Variants in ADAMTS3 observed in about 807,000 individuals in gnomAD.
ADAMTS3 encodes A disintegrin and metalloproteinase with thrombospondin motifs 3.
Under a neutral mutation model 129.0 loss-of-function variants are expected in ADAMTS3, and 73 were observed. That is an observed-to-expected ratio of 0.57 (90% CI 0.47 to 0.69). ADAMTS3 has a LOEUF of 0.69. Ranked by LOEUF, ADAMTS3 falls within the 30% of genes least tolerant of loss-of-function variation. The probability of loss-of-function intolerance (pLI) is 0.00; values close to 1 mark genes in which losing one functional copy is unlikely to be tolerated. For synonymous variants in ADAMTS3, 477 were observed against 510.8 expected, an observed-to-expected ratio of 0.93 and a Z score of 0.89; for missense variants, 1,457 against 1,514.5, an observed-to-expected ratio of 0.96 and a Z score of 0.63.
At chr4:72,418,073 G>A (rs565604964) in intron 3 of ADAMTS3, among the ~76,000 whole-genome samples, 2 of 152,168 alleles carry the variant, frequency 1.3e-5, no homozygotes, top group Non-Finnish European at 2.9e-5. Context: ...GAAATTCAAT[G>A]AGTATGCTAT....
intron 4 of ADAMTS3, among the ~76,000 whole-genome samples, chr4:72,370,728 T>C (rs113691546): frequency 0.076 from 11,603 of 152,112 alleles, 1,510 homozygotes; most frequent in African/African-American, 0.27. Context: ...CCATCCTGGG[T>C]GACAGAGTGA....
intron 4 of ADAMTS3, among the ~76,000 whole-genome samples, chr4:72,370,202 G>A (rs543271503): frequency 2.4e-4 from 37 of 152,206 alleles, no homozygotes; most frequent in African/African-American, 6.7e-4. Flanking sequence ...AGCCTGCGCC[G>A]AAGATTTATG....
intron 3 of ADAMTS3, among the ~76,000 whole-genome samples, chr4:72,422,860 T>C (rs2109935706): frequency 6.6e-6 from 1 of 152,310 alleles, no homozygotes; most frequent in East Asian, 1.9e-4. Flanking sequence ...ATGAATGCCC[T>C]TTATAAACTA....
chr4:72,350,848 T>C (rs1002024262), intron 4 of ADAMTS3, among the ~76,000 whole-genome samples: 1 of 151,978 alleles, frequency 6.6e-6, no homozygotes, highest in African/African-American at 2.4e-5. Context: ...TCCTCACATA[T>C]ATATGCGATG....
At chr4:72,348,881 G>A (rs1720357046) in intron 4 of ADAMTS3, among the ~76,000 whole-genome samples, 1 of 151,756 alleles carries the variant, frequency 6.6e-6, no homozygotes, top group African/African-American at 2.4e-5. Flanking sequence ...CCAACAACCT[G>A]AATGAGCCTG....
intron 4 of ADAMTS3, among the ~76,000 whole-genome samples, chr4:72,392,737 T>A (rs577406864): frequency 4.0e-4 from 61 of 152,260 alleles, no homozygotes; most frequent in South Asian, 2.5e-3. Context: ...GGAATATAAA[T>A]TTTTTCACTG....
At chr4:72,425,208 T>A (rs1455562423) in intron 3 of ADAMTS3, among the ~76,000 whole-genome samples, 1 of 152,186 alleles carries the variant, frequency 6.6e-6, no homozygotes, top group Non-Finnish European at 1.5e-5. Flanking sequence ...ATTATTTGTA[T>A]TATTCTTAGG....
At chr4:72,436,953 T>C (rs192669163) in intron 3 of ADAMTS3, among the ~76,000 whole-genome samples, 2 of 152,134 alleles carry the variant, frequency 1.3e-5, no homozygotes, top group Non-Finnish European at 2.9e-5. Flanking sequence ...CTTGTATACA[T>C]ATGTAACAAA....
intron 4 of ADAMTS3, among the ~76,000 whole-genome samples, chr4:72,408,942 A>C (rs1048865505): frequency 2.0e-5 from 3 of 152,042 alleles, no homozygotes; most frequent in Non-Finnish European, 2.9e-5. Flanking sequence ...GGGAGGGATA[A>C]CATTGGGAGA....
chr4:72,444,446 C>T (rs1384347530), intron 3 of ADAMTS3, among the ~76,000 whole-genome samples: 1 of 151,718 alleles, frequency 6.6e-6, no homozygotes, highest in Non-Finnish European at 1.5e-5. Flanking sequence ...CCCAGGTTTA[C>T]AATTACTGCC....
intron 3 of ADAMTS3, among the ~76,000 whole-genome samples, chr4:72,459,836 G>A (rs1012957882): frequency 5.9e-5 from 9 of 151,418 alleles, no homozygotes; most frequent in African/African-American, 2.2e-4. Flanking sequence ...TCTTGGGAAT[G>A]GGACCCAAAT....
intron 3 of ADAMTS3, among the ~76,000 whole-genome samples, chr4:72,446,318 T>G (rs1718251738): frequency 6.6e-6 from 1 of 151,704 alleles, no homozygotes; most frequent in Admixed American, 6.6e-5. Flanking sequence ...CTGCCAGGAT[T>G]GGGTCACATA....
chr4:72,411,368 C>T (rs935890405), intron 4 of ADAMTS3, among the ~76,000 whole-genome samples: 1 of 152,032 alleles, frequency 6.6e-6, no homozygotes, highest in Non-Finnish European at 1.5e-5. Context: ...GGGAGAAGCA[C>T]AATTTTTGTT....
intron 12 of ADAMTS3, among the ~76,000 whole-genome samples, chr4:72,312,816 C>T (rs529007469): frequency 6.6e-6 from 1 of 152,228 alleles, no homozygotes; most frequent in African/African-American, 2.4e-5. Flanking sequence ...CTTTGGTCAT[C>T]GCTCCATGGC....
intron 3 of ADAMTS3, among the ~76,000 whole-genome samples, chr4:72,417,775 A>C (rs9999213): frequency 0.67 from 100,862 of 149,720 alleles, 34,462 homozygotes; most frequent in South Asian, 0.8. Flanking sequence ...CTAAAAATAC[A>C]AAAAAAAATT....
intron 4 of ADAMTS3, among the ~76,000 whole-genome samples, chr4:72,347,514 C>G (rs1245302761): frequency 1.3e-5 from 2 of 151,838 alleles, no homozygotes; most frequent in Non-Finnish European, 2.9e-5. Flanking sequence ...ATTTTATTCT[C>G]TCGGTTCTAT....
chr4:72,526,733 CATATATATATATATATATATATATAT>C (rs36097990), intron 3 of ADAMTS3, among the ~76,000 whole-genome samples: 30 of 99,080 alleles, frequency 3.0e-4, no homozygotes, highest in Non-Finnish European at 4.4e-4. Context: ...TATATACATA[CATATATATATATATATATATATATAT>C]ATATATATAT....
At chr4:72,560,498 T>C (rs1307839988) in intron 2 of ADAMTS3, among the ~76,000 whole-genome samples, 1 of 152,142 alleles carries the variant, frequency 6.6e-6, no homozygotes, top group East Asian at 1.9e-4. Flanking sequence ...TGGAATACTA[T>C]GCAGCCACAA....
intron 3 of ADAMTS3, among the ~76,000 whole-genome samples, chr4:72,525,305 G>GA (rs1311071882): frequency 6.6e-6 from 1 of 152,102 alleles, no homozygotes; most frequent in African/African-American, 2.4e-5. Context: ...ATATAACTTA[G>GA]AAAAAATCCT....
Sources: allele counts gnomAD v4.1 joint callset (sites outside exome capture counted in the v4.1 genomes callset), GRCh38; gene constraint gnomAD v4.1.1; transcripts MANE v1.5; gene names NCBI Gene and HGNC (gene_info 2026-07-23, HGNC 2026-07-21).